LUZP1: variants seen among roughly 807,000 people sequenced by gnomAD.
LUZP1 encodes filamin mechanobinding actin cross-linking protein.
In LUZP1, 25 loss-of-function variants were observed where a neutral mutation model predicts 71.3. The ratio of observed to expected loss-of-function variants is 0.35; its 90% CI spans 0.26 to 0.49. The LOEUF is 0.49. LUZP1 is among the 20% of genes least tolerant of loss of function. The pLI is 0.99. For missense variants in LUZP1, 1,142 were observed against 1,300.8 expected (o/e 0.88, Z 1.88); for synonymous variants, 481 against 506.4 (o/e 0.95, Z 0.67).
chr1:23,155,411 G>C, intron 2 of LUZP1, among the ~76,000 whole-genome samples: 1 of 152,130 alleles, frequency 6.6e-6, no homozygotes, highest in East Asian at 1.9e-4. Flanking sequence ...TAAACTCAAG[G>C]TCAAATCCTA....
chr1:23,152,171 A>T (rs1412394682), intron 2 of LUZP1, among the ~76,000 whole-genome samples: 1 of 152,170 alleles, frequency 6.6e-6, no homozygotes, highest in Admixed American at 6.5e-5. Flanking sequence ...ATGTTAAAAA[A>T]ATCATAAAAT....
chr1:23,158,433 G>A (rs542448358), intron 2 of LUZP1, among the ~76,000 whole-genome samples: 2 of 151,726 alleles, frequency 1.3e-5, no homozygotes, highest in South Asian at 2.1e-4. Flanking sequence ...GGCAGATCAC[G>A]CGGTCAGGAG....
At chr1:23,165,647 A>G (rs948012730) in intron 2 of LUZP1, among the ~76,000 whole-genome samples, 2 of 151,816 alleles carry the variant, frequency 1.3e-5, no homozygotes, top group African/African-American at 4.8e-5. Context: ...CTGCACTCCA[A>G]AAAAAAAGGG....
intron 1 of LUZP1, among the ~76,000 whole-genome samples, chr1:23,172,047 A>G (rs1644555469): frequency 6.6e-6 from 1 of 152,210 alleles, no homozygotes; most frequent in African/African-American, 2.4e-5. Flanking sequence ...CAAAATGGAA[A>G]TAATAATACT....
intron 2 of LUZP1, among the ~76,000 whole-genome samples, chr1:23,158,663 AAAAAAAAAAAAAAAG>A: frequency 9.3e-6 from 1 of 108,072 alleles, no homozygotes; most frequent in South Asian, 4.5e-4. Flanking sequence ...AAAAAAAAAA[AAAAAAAAAAAAAAAG>A]GGTTGGGTCC....
chr1:23,088,987 C>G (rs1422840750), exon 5 of LUZP1: 1 of 1,614,040 alleles, frequency 6.2e-7, no homozygotes, highest in African/African-American at 1.3e-5. Context: ...CCAGGCAGTT[C>G]AGACGGATCC....
chr1:23,109,818 G>C (rs146949062), intron 2 of LUZP1, among the ~76,000 whole-genome samples: 1 of 151,950 alleles, frequency 6.6e-6, no homozygotes, highest in Admixed American at 6.6e-5. Context: ...CAGGGATTTC[G>C]GATAAGGGGA....
chr1:23,117,721 G>C (rs1247067102), intron 2 of LUZP1, among the ~76,000 whole-genome samples: 4 of 152,038 alleles, frequency 2.6e-5, no homozygotes, highest in African/African-American at 7.2e-5. Context: ...CCTTCTTGTA[G>C]CTATAACTAT....
At chr1:23,168,383 C>T (rs1160915840) in intron 2 of LUZP1, among the ~76,000 whole-genome samples, 2 of 142,650 alleles carry the variant, frequency 1.4e-5, no homozygotes, top group East Asian at 2.1e-4. Flanking sequence ...AAACTCTACC[C>T]CCGAAACTCT....
chr1:23,092,342 C>T (rs202187077), exon 4 of LUZP1: 153 of 1,614,182 alleles, frequency 9.5e-5, no homozygotes, highest in Middle Eastern at 8.2e-4. Flanking sequence ...AGGCTTCATG[C>T]GGACTGCTGT....
chr1:23,085,395 C>T (rs1364678598), exon 5 of LUZP1: 1 of 152,602 alleles, frequency 6.6e-6, no homozygotes, highest in African/African-American at 2.4e-5. Context: ...GGGCCCCTTT[C>T]CTATGATCCT....
intron 2 of LUZP1, among the ~76,000 whole-genome samples, chr1:23,168,342 C>T (rs1430135004): frequency 7.0e-6 from 1 of 142,884 alleles, no homozygotes; most frequent in Non-Finnish European, 1.5e-5. Context: ...GCCCCCCGCC[C>T]CTGTCGGCCC....
chr1:23,121,204 G>A (rs1257900188), intron 2 of LUZP1, among the ~76,000 whole-genome samples: 2 of 152,198 alleles, frequency 1.3e-5, no homozygotes, highest in Admixed American at 1.3e-4. Context: ...ACTTAGGTAG[G>A]TAGTTATATA....
chr1:23,139,045 T>TAC (rs1553140212), intron 2 of LUZP1, among the ~76,000 whole-genome samples: 57 of 119,706 alleles, frequency 4.8e-4, no homozygotes, highest in East Asian at 2.1e-3. Context: ...TATATATATA[T>TAC]ACACACATCA....
intron 2 of LUZP1, among the ~76,000 whole-genome samples, chr1:23,111,452 T>G (rs1644032019): frequency 4.6e-5 from 7 of 152,028 alleles, no homozygotes. Flanking sequence ...CCTAGCTACT[T>G]GGGAGACTGA....
At chr1:23,175,376 A>G (rs1644576373) in intron 1 of LUZP1, among the ~76,000 whole-genome samples, 1 of 152,186 alleles carries the variant, frequency 6.6e-6, no homozygotes, top group Admixed American at 6.5e-5. Context: ...TGCTTTGTAA[A>G]TCGTAACACA....
downstream of LUZP1, chr1:23,083,778 G>A (rs1196372516): frequency 1.9e-5 from 3 of 154,828 alleles, no homozygotes. Flanking sequence ...TATGGCAATA[G>A]TAATACATGT....
rs1216981195 is a variant in LUZP1, at chr1:23,093,354, T to C, written c.908A>G (p.Lys303Arg). 4 of 1,613,304 alleles carry C rather than the reference T, an allele frequency of 2.5e-6. No individual in the cohort carries two copies. Among genetic ancestry groups the C allele is most frequent in the African/African-American group, 2.7e-5 (2 of 74,834 alleles). Residue 303 changes from lysine to arginine, a missense_variant, in exon 4 of 5, where the codon AAA becomes AGA. By Grantham distance (26) the Lys-to-Arg change is conservative. Coordinates refer to ENST00000302291, the Ensembl canonical transcript of LUZP1. The surrounding 1 kb of genome is among the most constrained non-coding windows in gnomAD (Gnocchi z 4.2). The stretch of plus-strand genomic sequence containing the variant: ...CTCTTCTTCCAACGATTCAAAGTGT[T>C]TGATTTGTGTCTTAAGTTTCTCAAT...
At chr1:23,154,060 G>T (rs573057800) in intron 2 of LUZP1, among the ~76,000 whole-genome samples, 2 of 152,292 alleles carry the variant, frequency 1.3e-5, no homozygotes, top group East Asian at 3.9e-4. Flanking sequence ...GATGCTAAGT[G>T]AAATAAGCCA....
Sources: gnomAD v4.1 joint callset for allele counts (sites outside exome capture counted in the v4.1 genomes callset) on GRCh38, gnomAD v4.1.1 for gene constraint, Gnocchi (gnomAD v3.1) non-coding constraint, MANE v1.5 for transcripts, NCBI Gene and HGNC (gene_info 2026-07-23, HGNC 2026-07-21) for gene names.